ATAD3C: variants seen among roughly 807,000 people sequenced by gnomAD.
The protein encoded by ATAD3C is ATPase family AAA domain containing 3C.
Under a neutral mutation model 46.3 loss-of-function variants are expected in ATAD3C, and 38 were observed. That is an observed-to-expected ratio of 0.82 (90% CI 0.63 to 1.08). ATAD3C has a LOEUF of 1.08. ATAD3C is among the 50% of genes least tolerant of loss of function. The pLI, the probability that ATAD3C is intolerant of heterozygous loss-of-function variation, is 0.00. For synonymous variants in ATAD3C, 220 were observed against 236.4 expected, an observed-to-expected ratio of 0.93 and a Z score of 0.63; for missense variants, 563 against 572.7, an observed-to-expected ratio of 0.98 and a Z score of 0.17.
chr1:1,458,992 T>TA (rs1241321360), intron 8 of ATAD3C, among the ~76,000 whole-genome samples, 169 bp from the exon 9 acceptor site: 2 of 151,916 alleles, frequency 1.3e-5, no homozygotes, highest in East Asian at 3.9e-4. Context: ...AAATCCAGGT[T>TA]ACATTCGTGA....
In ATAD3C at chr1:1,460,790, G is replaced by C. The variant is rs565358416; in HGVS notation, c.853G>C (p.Asp285His). ...GGCCAGCTGCCACCCCGAGCAGTTC[G>C]ACTGGGCCATCAATGCCTGCATCGA... ...ILASCHPEQF[D>H]WAINACIDVM... The change falls in exon 10 of 12, where the codon GAC (aspartate) becomes CAC (histidine). Residue 285 changes from aspartate (D) to histidine (H), a missense_variant. This residue lies in a region of ATAD3C where 273 missense variants were observed against 253.5 expected (regional missense o/e 1.08). Transcript: ENST00000378785. 2 of 1,612,302 alleles carry C rather than the reference G, an allele frequency of 1.2e-6. No homozygotes were observed. Among genetic ancestry groups the C allele is most frequent in the Non-Finnish European group, 1.7e-6 (2 of 1,179,090 alleles).
intron 8 of ATAD3C, 88 bp downstream of exon 8, chr1:1,457,268 C>A: frequency 6.3e-7 from 1 of 1,586,656 alleles, no homozygotes; most frequent in South Asian, 1.1e-5. Context: ...GCCCACTGCT[C>A]AATTTCTTTT....
intron 11 of ATAD3C, among the ~76,000 whole-genome samples, chr1:1,467,704 G>A (rs1255124840): frequency 6.6e-5 from 10 of 152,058 alleles, no homozygotes; most frequent in Non-Finnish European, 1.3e-4. Flanking sequence ...TGAGCATGGC[G>A]CCCAGTGGGG....
Position 1,450,305 on chromosome 1 carries a change from A to G in ATAD3C, c.-379A>G, listed in dbSNP as rs1638832561. 4.9e-6 allele frequency: 1 copy of G among 205,062 alleles called. No individual in the cohort carries two copies. The highest frequency in any genetic ancestry group is 2.6e-5 in the African/African-American group (1 of 39,154). The allele number at this position is 205,062 out of a possible 1,614,324, so 12.7% of individuals were successfully genotyped here. ...ATGCCACTGCACTCCAGCCTGGGCC[A>G]GAATGAGACTCCGTCTCAAAAAAAA... On this transcript the variant is annotated 5_prime_UTR_variant, in exon 1 of 12. Transcript: ENST00000378785.
At chr1:1,451,336 C>T (rs190768151) in intron 1 of ATAD3C, among the ~76,000 whole-genome samples, 60 of 150,402 alleles carry the variant, frequency 4.0e-4, no homozygotes, top group Non-Finnish European at 7.0e-4. Flanking sequence ...GCGTCCAGCT[C>T]AGCAAGATTT....
Position 1,468,435 on chromosome 1 carries a change from G to T in ATAD3C, c.1141G>T (p.Ala381Ser). ...GGTCCTGACCGAGGCCATGATGGAC[G>T]CCTGCGTGCAAGACTTTGTCCAGCA... ...DGVLTEAMMDACVQDFVQQHQ... is the reference protein window; with the variant it reads ...DGVLTEAMMDSCVQDFVQQHQ... The change falls in exon 12 of 12, where the codon GCC becomes TCC. Residue 381 changes from alanine (A) to serine (S), a missense_variant. Transcript: ENST00000378785. 6.2e-7 allele frequency: 1 copy of T among 1,613,094 alleles called. No individual in the cohort carries two copies. Among genetic ancestry groups the T allele is most frequent in the Non-Finnish European group, 8.5e-7 (1 of 1,179,494 alleles).
intron 11 of ATAD3C, among the ~76,000 whole-genome samples, chr1:1,467,385 G>A (rs373509271): frequency 1.9e-4 from 29 of 152,060 alleles, no homozygotes; most frequent in African/African-American, 5.8e-4. Flanking sequence ...GTCCGGCTCC[G>A]GTCAGTGTCT....
chr1:1,460,763 C>T lies in ATAD3C; in HGVS notation c.826C>T (p.Leu276=). The change falls in exon 10 of 12, where the codon CTG becomes TTG. Residue 276 remains leucine (L), a synonymous_variant. Coordinates refer to ENST00000378785, the MANE Select transcript of ATAD3C (RefSeq NM_001039211.3). ...CCCGCCCCGCAGATTCATGCTGATC[C>T]TGGCCAGCTGCCACCCCGAGCAGTT... is the stretch of plus-strand genomic sequence containing the variant. ...GQHSNKFMLI[L]ASCHPEQFDW... The T allele has an allele frequency of 1.2e-6, 2 of 1,608,142 alleles. No individual in the cohort carries two copies. The highest frequency in any genetic ancestry group is 8.5e-7 in the Non-Finnish European group (1 of 1,177,070).
intron 5 of ATAD3C, 85 bp downstream of exon 5, chr1:1,455,604 G>GT: frequency 6.3e-7 from 1 of 1,598,976 alleles, no homozygotes; most frequent in East Asian, 2.3e-5. Context: ...GGCGCTCCTG[G>GT]TGGCGCCCAG....
At chr1:1,465,613 AAG>A in intron 11 of ATAD3C, among the ~76,000 whole-genome samples, 1 of 150,668 alleles carries the variant, frequency 6.6e-6, no homozygotes, top group East Asian at 1.9e-4. Context: ...AAAAAAAAAA[AAG>A]ATTATTCATT....
Position 1,462,170 on chromosome 1 carries a change from T to C in ATAD3C, c.981-430T>C, listed in dbSNP as rs1639079169. On this transcript the variant is annotated intron_variant, in intron 10 of 11. Transcript: ENST00000378785. This position sits in a 1 kb window ranked among gnomAD's most constrained non-coding sequence, Gnocchi z 4.5. ...GACCCCTCCACTGCCGCCTGCTCCA[T>C]GCTAGACCAGCTTTCCGGGTCTCAG... Among the ~76,000 whole-genome samples the C allele has an allele frequency of 6.6e-6, 1 of 152,040 alleles. No homozygotes were observed. Among genetic ancestry groups the C allele is most frequent in the African/African-American group, 2.4e-5 (1 of 41,422 alleles).
intron 4 of ATAD3C, among the ~76,000 whole-genome samples, 161 bp downstream of exon 4, chr1:1,454,661 C>T (rs1315510530): frequency 6.6e-6 from 1 of 150,804 alleles, no homozygotes; most frequent in Non-Finnish European, 1.5e-5. Flanking sequence ...TGGCGCTGTA[C>T]CTTAGGGGTC....
chr1:1,452,203 T>C, intron 2 of ATAD3C, 81 bp downstream of exon 2: 7 of 1,585,362 alleles, frequency 4.4e-6, no homozygotes, highest in Non-Finnish European at 6.0e-6. Flanking sequence ...GCTCTCCAGC[T>C]CTCCCAGGTC....
chr1:1,455,736 C>G lies in ATAD3C; in HGVS notation c.439-55C>G. ...CCAGGCATTCTCGCAGCCCCTGCCC[C>G]CGAGGCTTCTGTGGGTGCAGACTGT... On this transcript the variant is annotated intron_variant, in intron 5 of 11. Transcript: ENST00000378785. The G allele has an allele frequency of 1.9e-6, 3 of 1,607,142 alleles. No homozygotes were observed. The South Asian group carries it at 3.3e-5, about 18-fold the overall frequency.
intron 3 of ATAD3C, 38 bp downstream of exon 3, chr1:1,452,472 A>G (rs766918342): frequency 9.3e-6 from 15 of 1,613,062 alleles, no homozygotes; most frequent in Admixed American, 1.7e-5. Flanking sequence ...CAGGTGGCTG[A>G]GGGGCAGCAT....
In ATAD3C at chr1:1,455,776, T is replaced by G. The variant is rs780281114; in HGVS notation, c.439-15T>G. On this transcript the variant is annotated splice_polypyrimidine_tract_variant and intron_variant, in intron 5 of 11. Transcript: ENST00000378785. Reference sequence around the variant, plus strand: ...GTGCAGACTGTGTCCTCCAAGCCCCTGTCTTCCTCGGCAGCCCAGCCTGGA... The same window carrying G: ...GTGCAGACTGTGTCCTCCAAGCCCCGGTCTTCCTCGGCAGCCCAGCCTGGA... The G allele has an allele frequency of 1.2e-4, 199 of 1,612,692 alleles. No homozygotes were observed. Among genetic ancestry groups the G allele is most frequent in the Admixed American group, 1.8e-4 (11 of 59,816 alleles).
In ATAD3C at chr1:1,465,032, C is replaced by T. The variant is rs551155473; in HGVS notation, c.1089+2324C>T. On this transcript the variant is annotated intron_variant, in intron 11 of 11. Transcript: ENST00000378785. The stretch of plus-strand genomic sequence containing the variant: ...TCCTGAGTAGCTGGGATTACAGGCA[C>T]GCGCCAACATGCCCGGCTAATTTTT... Among the ~76,000 whole-genome samples, 20 of 151,354 alleles carry T rather than the reference C, an allele frequency of 1.3e-4. No homozygotes were observed. In the South Asian group the frequency reaches 2.5e-3, roughly 19 times the overall value.
At chr1:1,461,991 C>T (rs1439305478) in intron 10 of ATAD3C, among the ~76,000 whole-genome samples, 2 of 152,092 alleles carry the variant, frequency 1.3e-5, no homozygotes, top group Non-Finnish European at 1.5e-5. Context: ...CTGGCTGCCT[C>T]GGGAACACTC....
chr1:1,464,020 C>T (rs1639109373), intron 11 of ATAD3C, among the ~76,000 whole-genome samples: 1 of 151,182 alleles, frequency 6.6e-6, no homozygotes, highest in Non-Finnish European at 1.5e-5. Context: ...GCCTGGCCAA[C>T]ATGTCGAACT....
Sources: gnomAD v4.1 joint callset for allele counts (sites outside exome capture counted in the v4.1 genomes callset) on GRCh38, gnomAD v4.1.1 for gene constraint, gnomAD v4.1.1 regional missense constraint, Gnocchi (gnomAD v3.1) non-coding constraint, MANE v1.5 for transcripts, NCBI Gene and HGNC (gene_info 2026-07-23, HGNC 2026-07-21) for gene names.